SPATA13: variants seen among roughly 807,000 people sequenced by gnomAD.
The protein encoded by SPATA13 is spermatogenesis-associated protein 13.
In SPATA13, 50 loss-of-function variants were observed where a neutral mutation model predicts 104.0. The ratio of observed to expected loss-of-function variants is 0.48; its 90% CI spans 0.38 to 0.61. The LOEUF (loss-of-function observed/expected upper bound fraction) is 0.61, where lower values mean the gene tolerates loss of function less well. Ranked by LOEUF, SPATA13 falls within the 20% of genes least tolerant of loss-of-function variation. The pLI, the probability that SPATA13 is intolerant of heterozygous loss-of-function variation, is 0.00. For synonymous variants in SPATA13, 606 were observed against 667.5 expected (o/e 0.91, Z 1.42); for missense variants, 1,524 against 1,690.6 (o/e 0.90, Z 1.73).
At chr13:24,018,974 G>C (rs921425218) in intron 3 of SPATA13, among the ~76,000 whole-genome samples, 1 of 152,104 alleles carries the variant, frequency 6.6e-6, no homozygotes, top group Non-Finnish European at 1.5e-5. Context: ...AGAATACTGA[G>C]GCATATCTGA....
intron 2 of SPATA13, among the ~76,000 whole-genome samples, chr13:24,225,404 C>A (rs1220684997): frequency 6.6e-6 from 1 of 152,158 alleles, no homozygotes; most frequent in Non-Finnish European, 1.5e-5. Context: ...AACGTGGTGA[C>A]GAGTGAAAGC....
chr13:24,060,962 C>T (rs1878750470), intron 3 of SPATA13, among the ~76,000 whole-genome samples: 1 of 152,166 alleles, frequency 6.6e-6, no homozygotes, highest in Non-Finnish European at 1.5e-5. Flanking sequence ...TCACTTGAAC[C>T]TTGGAGGCGG....
intron 2 of SPATA13, among the ~76,000 whole-genome samples, chr13:24,230,390 G>T (rs549776013): frequency 2.6e-5 from 4 of 152,262 alleles, no homozygotes; most frequent in Non-Finnish European, 5.9e-5. Flanking sequence ...CCCAAAGGCG[G>T]CAGAATGAAG....
At chr13:24,207,724 G>A (rs1870783466) in intron 1 of SPATA13, among the ~76,000 whole-genome samples, 1 of 152,210 alleles carries the variant, frequency 6.6e-6, no homozygotes, top group African/African-American at 2.4e-5. Flanking sequence ...CAACTGTAAA[G>A]AAATGTTCAG....
At chr13:24,115,679 A>G (rs1566108787) in intron 3 of SPATA13, among the ~76,000 whole-genome samples, 1 of 152,222 alleles carries the variant, frequency 6.6e-6, no homozygotes, top group Non-Finnish European at 1.5e-5. Context: ...ATCATCCCAC[A>G]CAGTGTCAGA....
rs551430243 is a variant in SPATA13, at chr13:23,995,272, TGATC to T, written c.-147+11340_-147+11343del. Among the ~76,000 whole-genome samples, 40 of 152,358 alleles carry T rather than the reference TGATC, an allele frequency of 2.6e-4. No homozygotes were observed. The East Asian group carries it at 7.3e-3, about 28-fold the overall frequency. Reference sequence around the variant, plus strand: ...TTTTATCCCTAGAAAGACAAAGGTGTGATCTTTGAACACAGGTAAATCAAAGACA... The same window carrying T: ...TTTTATCCCTAGAAAGACAAAGGTGTTTTGAACACAGGTAAATCAAAGACA... On this transcript the variant is annotated intron_variant, in intron 2 of 14. Transcript: ENST00000424834.
chr13:23,982,602 G>C lies in SPATA13; in HGVS notation c.-353-1125G>C, dbSNP rs572631813. On this transcript the variant is annotated intron_variant, in intron 1 of 14. Coordinates refer to the SPATA13 transcript ENST00000424834. ...CATTAAACTCTACTGTGAAATGCTA[G>C]GGAGTACCTATTTCATAGGTAGAAA... is the stretch of plus-strand genomic sequence containing the variant. 5.9e-5 allele frequency among the ~76,000 whole-genome samples: 9 copies of C among 152,140 alleles called. No homozygotes were observed. The South Asian group carries it at 1.9e-3, about 32-fold the overall frequency.
chr13:24,233,467 A>G (rs1320447187), intron 2 of SPATA13, among the ~76,000 whole-genome samples: 1 of 152,156 alleles, frequency 6.6e-6, no homozygotes, highest in Non-Finnish European at 1.5e-5. Flanking sequence ...AGTTTCTCCT[A>G]GAATGTTTTT....
At chr13:24,190,258 T>TATATTATTATATA (rs1287450485) in intron 1 of SPATA13, among the ~76,000 whole-genome samples, 16 of 130 alleles carry the variant, frequency 0.12, 7 homozygotes, top group African/African-American at 0.22. Context: ...ATATATAATA[T>TATATTATTATATA]ACATAATATA....
chr13:24,005,406 A>G (rs1389190557), intron 2 of SPATA13, among the ~76,000 whole-genome samples: 1 of 151,970 alleles, frequency 6.6e-6, no homozygotes, highest in African/African-American at 2.4e-5. Flanking sequence ...TCAGGAATAT[A>G]GTGCTCACCT....
intron 1 of SPATA13, among the ~76,000 whole-genome samples, chr13:24,171,288 G>A (rs2138505604): frequency 6.6e-6 from 1 of 152,240 alleles, no homozygotes; most frequent in East Asian, 1.9e-4. Context: ...CATTTTTCAA[G>A]AGACGAAGGA....
chr13:24,030,509 C>CT (rs1877431366), intron 3 of SPATA13, among the ~76,000 whole-genome samples: 1 of 152,134 alleles, frequency 6.6e-6, no homozygotes, highest in African/African-American at 2.4e-5. Context: ...TCTGGTTCTT[C>CT]TTTTCCCTAA....
At chr13:24,118,394 CG>C (rs1880922117) in intron 3 of SPATA13, among the ~76,000 whole-genome samples, 1 of 152,088 alleles carries the variant, frequency 6.6e-6, no homozygotes, top group South Asian at 2.1e-4. Context: ...ACTCCTGGCA[CG>C]TGTGGATTAT....
intron 1 of SPATA13, among the ~76,000 whole-genome samples, chr13:24,206,680 T>C (rs9507281): frequency 0.92 from 139,536 of 152,156 alleles, 65,260 homozygotes; most frequent in East Asian, 1. Flanking sequence ...TCACCTGAGG[T>C]CAGGAGTTCA....
intron 4 of SPATA13, among the ~76,000 whole-genome samples, chr13:24,278,287 G>T (rs1875167280): frequency 6.6e-6 from 1 of 152,278 alleles, no homozygotes; most frequent in Non-Finnish European, 1.5e-5. Flanking sequence ...GTGTTATTGG[G>T]ACTTGAGTTT....
At chr13:24,016,719 C>G (rs965459435) in intron 2 of SPATA13, among the ~76,000 whole-genome samples, 7 of 152,230 alleles carry the variant, frequency 4.6e-5, no homozygotes, top group African/African-American at 7.2e-5. Context: ...TTTCATTGTC[C>G]TTGTGCAGAG....
intron 7 of SPATA13, among the ~76,000 whole-genome samples, chr13:24,288,279 C>G (rs1303975855): frequency 6.6e-6 from 1 of 152,166 alleles, no homozygotes; most frequent in East Asian, 1.9e-4. Context: ...CAGAACCTAT[C>G]CTTTTCTGAA....
In SPATA13 at chr13:24,205,380, A is replaced by G. The variant is rs1870645226; in HGVS notation, c.-111-17439A>G. Among the ~76,000 whole-genome samples the G allele has an allele frequency of 6.6e-6, 1 of 152,346 alleles. No homozygotes were observed. The highest frequency in any genetic ancestry group is 1.9e-4 in the East Asian group (1 of 5,190). On this transcript the variant is annotated intron_variant, in intron 1 of 12. Coordinates refer to ENST00000382108, the MANE Select transcript of SPATA13 (RefSeq NM_001166271.3). The surrounding 1 kb of genome is among the most constrained non-coding windows in gnomAD (Gnocchi z 4.1). Reference sequence around the variant, plus strand: ...AATAAAATACCTAGGAATACAGCTAACAAGAGAAGTGAAGGACCTCTTCAA... The same window carrying G: ...AATAAAATACCTAGGAATACAGCTAGCAAGAGAAGTGAAGGACCTCTTCAA...
At chr13:24,043,809 T>C (rs1162285158) in intron 3 of SPATA13, among the ~76,000 whole-genome samples, 2 of 152,222 alleles carry the variant, frequency 1.3e-5, no homozygotes, top group Non-Finnish European at 2.9e-5. Context: ...TGAGATTTTC[T>C]ATTAAATACC....
Sources: gnomAD v4.1 joint callset for allele counts (sites outside exome capture counted in the v4.1 genomes callset) on GRCh38, gnomAD v4.1.1 for gene constraint, Gnocchi (gnomAD v3.1) non-coding constraint, MANE v1.5 for transcripts, NCBI Gene and HGNC (gene_info 2026-07-23, HGNC 2026-07-21) for gene names.